The following ANKS1B variants were observed in gnomAD, a reference collection of about 807,000 sequenced individuals.
The protein encoded by ANKS1B is ankyrin repeat and sterile alpha motif domain containing 1B, also known as ankyrin repeat and sterile alpha motif domain-containing protein 1B.
In ANKS1B, 36 loss-of-function variants were observed where a neutral mutation model predicts 148.3. The observed-to-expected ratio is 0.24, with a 90% confidence interval of 0.19 to 0.32. ANKS1B has a LOEUF of 0.32. Ranked by LOEUF, ANKS1B falls within the 10% of genes least tolerant of loss-of-function variation. The probability of loss-of-function intolerance (pLI) is 1.00; values close to 1 mark genes in which losing one functional copy is unlikely to be tolerated. For missense variants in ANKS1B, 1,157 were observed against 1,542.6 expected, an observed-to-expected ratio of 0.75 and a Z score of 4.19; for synonymous variants, 542 against 560.8, an observed-to-expected ratio of 0.97 and a Z score of 0.47.
chr12:99,792,660 C>A (rs892482420), intron 4 of ANKS1B, among the ~76,000 whole-genome samples: 1 of 151,680 alleles, frequency 6.6e-6, no homozygotes, highest in African/African-American at 2.4e-5. Context: ...AGTCCAACAT[C>A]CCTTCCTGTT....
At chr12:98,935,004 G>A (rs1317853553) in intron 17 of ANKS1B, among the ~76,000 whole-genome samples, 1 of 151,986 alleles carries the variant, frequency 6.6e-6, no homozygotes, top group Non-Finnish European at 1.5e-5. Flanking sequence ...AGGACTCCCA[G>A]TATTATGTTG....
intron 16 of ANKS1B, among the ~76,000 whole-genome samples, chr12:99,072,540 C>G (rs1282011734): frequency 1.3e-5 from 2 of 152,062 alleles, no homozygotes; most frequent in Non-Finnish European, 2.9e-5. Context: ...TTTTGAGCCC[C>G]TGCAAGATTG....
chr12:98,888,793 C>T (rs1454721329), intron 17 of ANKS1B, among the ~76,000 whole-genome samples: 1 of 152,244 alleles, frequency 6.6e-6, no homozygotes, highest in African/African-American at 2.4e-5. Context: ...TCCAGTGCTT[C>T]ACCCTGCTGG....
intron 8 of ANKS1B, among the ~76,000 whole-genome samples, chr12:99,683,449 C>G (rs1279407941): frequency 5.3e-5 from 8 of 151,686 alleles, no homozygotes; most frequent in Admixed American, 3.3e-4. Context: ...AAACTCTGAG[C>G]AGATCAATAA....
chr12:99,775,476 T>C, intron 7 of ANKS1B, 72 bp downstream of exon 7: 1 of 1,002,376 alleles, frequency 1.0e-6, no homozygotes, highest in Non-Finnish European at 1.6e-6. Context: ...TATAACCTAT[T>C]AGACTTGAAA....
chr12:99,888,793 G>T (rs1469061737), intron 1 of ANKS1B, among the ~76,000 whole-genome samples: 1 of 152,038 alleles, frequency 6.6e-6, no homozygotes, highest in Admixed American at 6.6e-5. Flanking sequence ...ATGTATTATT[G>T]GACAGGCTTG....
At position 99,006,717 on chromosome 12, in the gene ANKS1B, A is replaced by C. The variant is rs114909633; in HGVS notation, c.2778+46440T>G. Reference sequence around the variant, plus strand: ...TTTGAGATATGCCTGTAGACTGATAACAATAGTGATGATGACGATGATATT... The same window carrying C: ...TTTGAGATATGCCTGTAGACTGATACCAATAGTGATGATGACGATGATATT... On this transcript the variant is annotated intron_variant, in intron 17 of 26. Coordinates refer to ENST00000683438, the MANE Select transcript of ANKS1B (RefSeq NM_001352186.2). Among the ~76,000 whole-genome samples the C allele has an allele frequency of 3.2e-3, 480 of 152,354 alleles. 1 individual carries two copies. The highest frequency in any genetic ancestry group is 0.011 in the African/African-American group (468 of 41,570).
intron 21 of ANKS1B, among the ~76,000 whole-genome samples, chr12:98,800,531 ACTAAC>A (rs537211699): frequency 6.7e-5 from 10 of 149,864 alleles, no homozygotes; most frequent in African/African-American, 1.9e-4. Context: ...AAACTAAACA[ACTAAC>A]CTAAACTAAA....
At chr12:98,765,544 G>A (rs1373395919) in intron 25 of ANKS1B, among the ~76,000 whole-genome samples, 1 of 151,200 alleles carries the variant, frequency 6.6e-6, no homozygotes, top group African/African-American at 2.4e-5. Context: ...GATTACAGGT[G>A]TAAGCCACTG....
intron 10 of ANKS1B, among the ~76,000 whole-genome samples, chr12:99,473,871 T>A (rs1351779484): frequency 6.6e-6 from 1 of 152,122 alleles, no homozygotes; most frequent in Non-Finnish European, 1.5e-5. Context: ...TTTTGTGACA[T>A]GTCATGCTAA....
intron 17 of ANKS1B, among the ~76,000 whole-genome samples, chr12:98,890,772 G>A (rs182509259): frequency 1.1e-4 from 16 of 152,280 alleles, no homozygotes; most frequent in Non-Finnish European, 2.9e-5. Context: ...ATGTTCTCTT[G>A]CCAAGAAAAG....
intron 1 of ANKS1B, among the ~76,000 whole-genome samples, chr12:99,869,149 A>C: frequency 6.6e-6 from 1 of 152,280 alleles, no homozygotes; most frequent in South Asian, 2.1e-4. Flanking sequence ...AATTTCTCCA[A>C]ATTGTTCTAT....
At chr12:99,857,164 T>G (rs1315262098) in intron 1 of ANKS1B, among the ~76,000 whole-genome samples, 1 of 152,186 alleles carries the variant, frequency 6.6e-6, no homozygotes, top group Non-Finnish European at 1.5e-5. Flanking sequence ...CTCCTAGAAC[T>G]GGTAAATGAA....
At chr12:98,756,192 G>A (rs972078909) in intron 25 of ANKS1B, among the ~76,000 whole-genome samples, 3 of 152,118 alleles carry the variant, frequency 2.0e-5, no homozygotes, top group Non-Finnish European at 4.4e-5. Flanking sequence ...GTTGTGAGAG[G>A]GACCTGGTGG....
chr12:99,662,291 C>T (rs7961365), intron 8 of ANKS1B, among the ~76,000 whole-genome samples: 2 of 152,168 alleles, frequency 1.3e-5, no homozygotes, highest in African/African-American at 4.8e-5. Flanking sequence ...TTCTTATATG[C>T]CTTCACAGTA....
At chr12:99,971,960 C>G (rs1398032262) in intron 1 of ANKS1B, among the ~76,000 whole-genome samples, 1 of 152,126 alleles carries the variant, frequency 6.6e-6, no homozygotes, top group Non-Finnish European at 1.5e-5. Context: ...GTCCATTTTT[C>G]CAATTAGGCC....
intron 14 of ANKS1B, among the ~76,000 whole-genome samples, chr12:99,165,377 T>C (rs2077095323): frequency 6.6e-6 from 1 of 151,888 alleles, no homozygotes; most frequent in Non-Finnish European, 1.5e-5. Context: ...TAAATCTCTA[T>C]TCAGGCTGAC....
chr12:98,818,252 T>A (rs148828438), intron 19 of ANKS1B, among the ~76,000 whole-genome samples: 1 of 150,646 alleles, frequency 6.6e-6, no homozygotes, highest in East Asian at 2.0e-4. Flanking sequence ...CTGGGACTGA[T>A]ATCACATAAA....
At chr12:99,367,729 T>C (rs1030996418) in intron 12 of ANKS1B, among the ~76,000 whole-genome samples, 6 of 152,046 alleles carry the variant, frequency 3.9e-5, no homozygotes, top group Non-Finnish European at 8.8e-5. Flanking sequence ...TAAGAAGTAA[T>C]GGTCAGAATG....
Sources: allele counts gnomAD v4.1 joint callset (sites outside exome capture counted in the v4.1 genomes callset), GRCh38; gene constraint gnomAD v4.1.1; transcripts MANE v1.5; gene names NCBI Gene and HGNC (gene_info 2026-07-23, HGNC 2026-07-21).